JAZF1: variants seen among roughly 807,000 people sequenced by gnomAD.
The protein encoded by JAZF1 is JAZF zinc finger 1.
JAZF1 carries 8 observed loss-of-function variants against 26.4 expected under a neutral mutation model. That is an observed-to-expected ratio of 0.30 (90% CI 0.18 to 0.55). JAZF1 has a LOEUF of 0.55. JAZF1 is among the 20% of genes least tolerant of loss of function. JAZF1 has a pLI of 0.94. For missense variants in JAZF1, 199 were observed against 322.0 expected (o/e 0.62, Z 2.92); for synonymous variants, 126 against 122.3 (o/e 1.03, Z -0.20).
intron 3 of JAZF1, among the ~76,000 whole-genome samples, chr7:27,858,457 C>G (rs770704661): frequency 7.9e-5 from 12 of 152,158 alleles, no homozygotes; most frequent in Non-Finnish European, 1.6e-4. Flanking sequence ...AAGCTGGAGG[C>G]ATCATCCTAC....
At chr7:28,022,528 T>C (rs185766494) in intron 1 of JAZF1, among the ~76,000 whole-genome samples, 15 of 152,322 alleles carry the variant, frequency 9.8e-5, no homozygotes, top group Admixed American at 9.8e-4. Context: ...TACTTTTTTG[T>C]TGATCAAAAA....
At chr7:27,934,754 G>T (rs2128350713) in intron 2 of JAZF1, among the ~76,000 whole-genome samples, 1 of 152,234 alleles carries the variant, frequency 6.6e-6, no homozygotes, top group Middle Eastern at 3.4e-3. Context: ...AAAACTCTTA[G>T]AAGAAAACAC....
At chr7:27,924,784 G>A (rs1488459201) in intron 2 of JAZF1, among the ~76,000 whole-genome samples, 5 of 152,176 alleles carry the variant, frequency 3.3e-5, no homozygotes, top group Non-Finnish European at 7.3e-5. Context: ...AAGGTAATGT[G>A]TGCATTCTCT....
intron 1 of JAZF1, among the ~76,000 whole-genome samples, chr7:27,993,898 T>G (rs1785957593): frequency 6.6e-6 from 1 of 152,168 alleles, no homozygotes. Flanking sequence ...GTCTAAAATT[T>G]GTGTGTAAAG....
chr7:27,939,521 TGG>T (rs1406492168), intron 2 of JAZF1, among the ~76,000 whole-genome samples: 1 of 152,190 alleles, frequency 6.6e-6, no homozygotes, highest in Non-Finnish European at 1.5e-5. Context: ...TGTGTGTCCC[TGG>T]GGTGAGATGG....
chr7:27,936,726 G>C (rs1784767677), intron 2 of JAZF1, among the ~76,000 whole-genome samples: 1 of 152,166 alleles, frequency 6.6e-6, no homozygotes, highest in Non-Finnish European at 1.5e-5. Context: ...TGTCTATCCT[G>C]ATTATCTATC....
chr7:28,144,214 T>G (rs1782994983), intron 1 of JAZF1, among the ~76,000 whole-genome samples: 1 of 152,188 alleles, frequency 6.6e-6, no homozygotes, highest in Non-Finnish European at 1.5e-5. Context: ...GCATATCAGC[T>G]TCAAGTTCAA....
chr7:27,888,806 G>A (rs963398027), intron 3 of JAZF1, among the ~76,000 whole-genome samples: 1 of 152,060 alleles, frequency 6.6e-6, no homozygotes, highest in Non-Finnish European at 1.5e-5. Flanking sequence ...ATTTCCTTGG[G>A]TGCCTTTCTC....
chr7:27,978,305 T>C (rs1785511336), intron 2 of JAZF1, among the ~76,000 whole-genome samples: 1 of 152,164 alleles, frequency 6.6e-6, no homozygotes, highest in African/African-American at 2.4e-5. Context: ...AACCACTACA[T>C]TGTTCTACTT....
At chr7:28,162,421 T>C (rs947032289) in intron 1 of JAZF1, among the ~76,000 whole-genome samples, 2 of 152,194 alleles carry the variant, frequency 1.3e-5, no homozygotes, top group Non-Finnish European at 2.9e-5. Context: ...GCTTCTACCT[T>C]ATGTGAAAGA....
At chr7:27,955,968 G>A (rs1785082210) in intron 2 of JAZF1, among the ~76,000 whole-genome samples, 3 of 152,092 alleles carry the variant, frequency 2.0e-5, no homozygotes, top group Admixed American at 1.3e-4. Context: ...GCATCTCATG[G>A]GATGAGTGTT....
At chr7:28,021,457 G>A (rs1326811789) in intron 1 of JAZF1, among the ~76,000 whole-genome samples, 1 of 152,176 alleles carries the variant, frequency 6.6e-6, no homozygotes, top group Non-Finnish European at 1.5e-5. Flanking sequence ...TGAGGAATGA[G>A]TAAAATAACG....
chr7:28,140,121 C>T lies in JAZF1; in HGVS notation c.115+40342G>A, dbSNP rs1782941902. On this transcript the variant is annotated intron_variant, in intron 1 of 4. Transcript: ENST00000283928. Reference sequence around the variant, plus strand: ...TTTTTGAGACGGAGTTTCACTCTGTCACCCAGGCTGGAGTGCAGTGGCGTG... The same window carrying T: ...TTTTTGAGACGGAGTTTCACTCTGTTACCCAGGCTGGAGTGCAGTGGCGTG... Among the ~76,000 whole-genome samples the T allele has an allele frequency of 4.1e-5, 6 of 146,086 alleles. 1 individual carries two copies. In the South Asian group the frequency reaches 1.3e-3, roughly 32 times the overall value.
At chr7:28,053,527 A>C (rs374308727) in intron 1 of JAZF1, among the ~76,000 whole-genome samples, 1 of 152,334 alleles carries the variant, frequency 6.6e-6, no homozygotes, top group African/African-American at 2.4e-5. Flanking sequence ...AGGAGGAAGA[A>C]ATCTTTTACA....
chr7:28,108,397 G>A (rs1784587478), intron 1 of JAZF1, among the ~76,000 whole-genome samples: 1 of 152,186 alleles, frequency 6.6e-6, no homozygotes, highest in Non-Finnish European at 1.5e-5. Flanking sequence ...TTTGGTGGCA[G>A]GATAGCCCCT....
chr7:28,118,761 TACACACACAC>T (rs10612400), intron 1 of JAZF1, among the ~76,000 whole-genome samples: 6 of 148,790 alleles, frequency 4.0e-5, no homozygotes, highest in East Asian at 2.0e-4. Flanking sequence ...AAGAGAGTTT[TACACACACAC>T]ACACACACAC....
rs181968064 is a variant in JAZF1, at chr7:28,088,213, A to G, written c.115+92250T>C. ...GTGGTGCAGGGACATGGTAGCCAAC[A>G]GCAGTTTCAACTGGTATCATGTTCC... On this transcript the variant is annotated intron_variant, in intron 1 of 4. Transcript: ENST00000283928. 1.6e-3 allele frequency among the ~76,000 whole-genome samples: 250 copies of G among 152,364 alleles called. 1 individual carries two copies. The highest frequency in any genetic ancestry group is 3.0e-3 in the Non-Finnish European group (202 of 68,036).
chr7:27,979,366 ATTTTTTTTTTTTTTTTTTTTTTTT>A (rs55737757), intron 2 of JAZF1, among the ~76,000 whole-genome samples: 10 of 58,392 alleles, frequency 1.7e-4, no homozygotes, highest in African/African-American at 3.3e-4. Context: ...GGTACACTAC[ATTTTTTTTTTTTTTTTTTTTTTTT>A]TTTTTTTTTT....
At chr7:28,106,293 A>G (rs1784552478) in intron 1 of JAZF1, among the ~76,000 whole-genome samples, 1 of 152,190 alleles carries the variant, frequency 6.6e-6, no homozygotes, top group Admixed American at 6.5e-5. Context: ...ATTGGGGTTG[A>G]TATTTTCATC....
Sources: allele counts gnomAD v4.1 joint callset (sites outside exome capture counted in the v4.1 genomes callset), GRCh38; gene constraint gnomAD v4.1.1; transcripts MANE v1.5; gene names NCBI Gene and HGNC (gene_info 2026-07-23, HGNC 2026-07-21).